The following FILIP1L variants were observed in gnomAD, a reference collection of about 807,000 sequenced individuals.
FILIP1L encodes the protein filamin A interacting protein 1 like, also known as filamin A-interacting protein 1-like.
FILIP1L carries 55 observed loss-of-function variants against 96.6 expected under a neutral mutation model. The ratio of observed to expected loss-of-function variants is 0.57; its 90% CI spans 0.46 to 0.71. The LOEUF (loss-of-function observed/expected upper bound fraction) is 0.71. FILIP1L is among the 30% of genes least tolerant of loss of function. FILIP1L has a pLI of 0.00. For missense variants in FILIP1L, 1,304 were observed against 1,321.2 expected, an observed-to-expected ratio of 0.99 and a Z score of 0.20; for synonymous variants, 467 against 473.9, an observed-to-expected ratio of 0.99 and a Z score of 0.19.
intron 4 of FILIP1L, among the ~76,000 whole-genome samples, chr3:99,876,795 A>G (rs1223241084): frequency 3.9e-5 from 6 of 152,148 alleles, no homozygotes; most frequent in African/African-American, 1.4e-4. Context: ...TTCCTGAAAG[A>G]ACTTCCTCTT....
rs186782998 is a variant in FILIP1L, at chr3:99,957,421, A to G, written c.-10-26391T>C. ...ATAGTTGTGATATTTTTGAAATGCT[A>G]ACACAAAATTATGTATCTACACATA... On this transcript the variant is annotated intron_variant, in intron 1 of 5. Coordinates refer to ENST00000477258, the MANE Select transcript of FILIP1L (RefSeq NM_001387850.1). Among the ~76,000 whole-genome samples, 6 of 152,324 alleles carry G rather than the reference A, an allele frequency of 3.9e-5. No homozygotes were observed. In the East Asian group the frequency reaches 1.2e-3, roughly 29 times the overall value.
chr3:100,101,341 A>G (rs2066301924), intron 1 of FILIP1L, among the ~76,000 whole-genome samples: 1 of 152,162 alleles, frequency 6.6e-6, no homozygotes, highest in Non-Finnish European at 1.5e-5. Context: ...ACAGACCAGG[A>G]CCAGAGACTT....
chr3:99,900,879 C>T (rs1706413737), intron 4 of FILIP1L, among the ~76,000 whole-genome samples: 1 of 152,186 alleles, frequency 6.6e-6, no homozygotes, highest in Non-Finnish European at 1.5e-5. Flanking sequence ...GTTAGAAGCA[C>T]TGATCTAAAG....
At chr3:99,841,169 G>A (rs190523063) in intron 5 of FILIP1L, among the ~76,000 whole-genome samples, 49 of 152,374 alleles carry the variant, frequency 3.2e-4, no homozygotes, top group African/African-American at 1.2e-3. Context: ...ATGTCACTGA[G>A]ACACAAGTTT....
At chr3:99,876,524 G>A (rs1705533702) in intron 4 of FILIP1L, among the ~76,000 whole-genome samples, 1 of 152,224 alleles carries the variant, frequency 6.6e-6, no homozygotes, top group African/African-American at 2.4e-5. Flanking sequence ...TACACATCCT[G>A]TTATTCTTAT....
chr3:100,109,169 C>G (rs1165314606), intron 1 of FILIP1L, among the ~76,000 whole-genome samples: 2 of 150,940 alleles, frequency 1.3e-5, no homozygotes, highest in Non-Finnish European at 2.9e-5. Flanking sequence ...TGGTTGGACT[C>G]TATTAATCAT....
chr3:99,839,528 G>A (rs1943038336), intron 5 of FILIP1L, among the ~76,000 whole-genome samples: 2 of 151,996 alleles, frequency 1.3e-5, no homozygotes, highest in African/African-American at 4.8e-5. Context: ...TCAATTCTTG[G>A]GATTCCTGCT....
At chr3:99,911,839 G>T (rs536371072) in intron 4 of FILIP1L, among the ~76,000 whole-genome samples, 1 of 151,774 alleles carries the variant, frequency 6.6e-6, no homozygotes, top group Non-Finnish European at 1.5e-5. Context: ...TTTTTTCCTA[G>T]TTCCTAGTTC....
At chr3:99,887,366 A>C (rs1176858539) in intron 4 of FILIP1L, among the ~76,000 whole-genome samples, 2 of 152,216 alleles carry the variant, frequency 1.3e-5, no homozygotes, top group African/African-American at 4.8e-5. Flanking sequence ...CATTCCAGGA[A>C]GGAGAATGGT....
At chr3:100,088,376 A>G (rs1201335830) in intron 1 of FILIP1L, among the ~76,000 whole-genome samples, 1 of 152,214 alleles carries the variant, frequency 6.6e-6, no homozygotes, top group African/African-American at 2.4e-5. Flanking sequence ...AAAACTACAA[A>G]TAATGCAAAT....
chr3:100,088,500 C>A (rs552053045), intron 1 of FILIP1L, among the ~76,000 whole-genome samples: 1 of 152,114 alleles, frequency 6.6e-6, no homozygotes, highest in Admixed American at 6.5e-5. Flanking sequence ...ATTTCAAAAT[C>A]TTTATATTTG....
intron 1 of FILIP1L, among the ~76,000 whole-genome samples, chr3:100,074,675 A>AATTT (rs2065818687): frequency 2.9e-5 from 1 of 34,782 alleles, no homozygotes; most frequent in Non-Finnish European, 4.9e-5. Context: ...GCAACATTTG[A>AATTT]TTTTTTTTTT....
intron 1 of FILIP1L, among the ~76,000 whole-genome samples, chr3:99,960,098 C>T (rs1708448959): frequency 6.6e-6 from 1 of 152,048 alleles, no homozygotes; most frequent in African/African-American, 2.4e-5. Flanking sequence ...TGGCTCCATC[C>T]CGACCTGGGT....
At chr3:99,841,025 A>G (rs1310106283) in intron 5 of FILIP1L, among the ~76,000 whole-genome samples, 3 of 152,224 alleles carry the variant, frequency 2.0e-5, no homozygotes, top group Non-Finnish European at 4.4e-5. Context: ...AGGGCAGTGA[A>G]TCTTTCATCT....
rs556567761 is a variant in FILIP1L at position 99,993,000 on chromosome 3, TC to T, written c.-10-61971del. ...GGTATGCGGCCGTATTTCTGGGTTC[TC>T]TCTTCTGTTCCATTGATCTGTGTAA... On this transcript the variant is annotated intron_variant, in intron 1 of 5. Coordinates refer to ENST00000477258, the MANE Select transcript of FILIP1L (RefSeq NM_001387850.1). Among the ~76,000 whole-genome samples, 276 of 152,276 alleles carry T rather than the reference TC, an allele frequency of 1.8e-3. 1 individual carries two copies. Among genetic ancestry groups the T allele is most frequent in the Admixed American group, 4.9e-3 (75 of 15,292 alleles).
intron 1 of FILIP1L, among the ~76,000 whole-genome samples, chr3:100,014,281 T>G (rs1303209767): frequency 6.6e-6 from 1 of 151,160 alleles, no homozygotes; most frequent in Non-Finnish European, 1.5e-5. Flanking sequence ...TTGACTGTTA[T>G]GAATAATGCT....
At chr3:100,013,483 G>T (rs188802377) in intron 1 of FILIP1L, among the ~76,000 whole-genome samples, 9 of 151,646 alleles carry the variant, frequency 5.9e-5, no homozygotes, top group African/African-American at 2.2e-4. Flanking sequence ...ACCTCAGGTG[G>T]TCCATCCACC....
chr3:99,946,188 A>C (rs1390351571), intron 1 of FILIP1L, among the ~76,000 whole-genome samples: 1 of 152,218 alleles, frequency 6.6e-6, no homozygotes, highest in African/African-American at 2.4e-5. Flanking sequence ...GCATTTTAAA[A>C]AATTGGGTAT....
chr3:100,006,645 C>G (rs1709995422), intron 1 of FILIP1L, among the ~76,000 whole-genome samples: 1 of 149,612 alleles, frequency 6.7e-6, no homozygotes, highest in African/African-American at 2.5e-5. Flanking sequence ...TATCTTACAT[C>G]TTTTCTTTCC....
Sources: gnomAD v4.1 joint callset for allele counts (sites outside exome capture counted in the v4.1 genomes callset) on GRCh38, gnomAD v4.1.1 for gene constraint, MANE v1.5 for transcripts, NCBI Gene and HGNC (gene_info 2026-07-23, HGNC 2026-07-21) for gene names.